Variants in FAM83E observed in about 807,000 individuals in gnomAD.
FAM83E encodes protein FAM83E.
A neutral mutation model predicts 34.3 loss-of-function variants in FAM83E; 29 were observed. The ratio of observed to expected loss-of-function variants is 0.85; its 90% CI spans 0.63 to 1.15. The LOEUF (loss-of-function observed/expected upper bound fraction) is 1.15. Ranked by LOEUF, FAM83E falls within the 50% of genes most tolerant of loss-of-function variation. FAM83E has a pLI of 0.00. For missense variants in FAM83E, 697 were observed against 685.0 expected (o/e 1.02, Z -0.20); for synonymous variants, 312 against 311.6 (o/e 1.00, Z -0.01).
intron 3 of FAM83E, 44 bp from the exon 4 acceptor site, chr19:48,610,891 GCTCAGGGGACA>G (rs1369092432): frequency 4.5e-6 from 7 of 1,554,446 alleles, no homozygotes; most frequent in Non-Finnish European, 6.1e-6. Flanking sequence ...ACGGAAGCTG[GCTCAGGGGACA>G]CTCAGAGGGT....
rs535065385 is a variant in FAM83E at position 48,600,397 on chromosome 19, G to T, written c.*712C>A. ...GTCACCCAGGCTGGAGTGCAGTGGC[G>T]TGATCTCAGCTCACTGCAACCTCCG... On this transcript the variant is annotated 3_prime_UTR_variant, in exon 7 of 7. Transcript: ENST00000263266. Among the ~76,000 whole-genome samples, 1 of 151,316 alleles carries T rather than the reference G, an allele frequency of 6.6e-6. No homozygotes were observed. Among genetic ancestry groups the T allele is most frequent in the Non-Finnish European group, 1.5e-5 (1 of 67,796 alleles).
intron 5 of FAM83E, among the ~76,000 whole-genome samples, chr19:48,604,629 G>T (rs1973892315): frequency 6.7e-6 from 1 of 148,654 alleles, no homozygotes; most frequent in South Asian, 2.3e-4. Flanking sequence ...ACCCGTGCCC[G>T]GCTGAGCCTG....
intron 5 of FAM83E, chr19:48,606,780 C>T: frequency 1.6e-6 from 1 of 629,300 alleles, no homozygotes; most frequent in Non-Finnish European, 2.7e-6. Flanking sequence ...CAGCCACCCG[C>T]TCACCTCCAT....
At position 48,603,835 on chromosome 19, in the gene FAM83E, G is replaced by A; in HGVS notation, c.835C>T (p.Leu279Phe). 6.2e-7 allele frequency: 1 copy of A among 1,609,114 alleles called. No homozygotes were observed. The highest frequency in any genetic ancestry group is 8.5e-7 in the Non-Finnish European group (1 of 1,177,822). ...GCCGCGTACAGCGTCCGGAACTCAA[G>A]GCTGAAGGCGTCAACAATTTCACCA... The part of the protein sequence containing the change: ...LTGEIVDAFS[L>F]EFRTLYAASC... The change falls in exon 6 of 7, where the codon CTT becomes TTT. Residue 279 changes from leucine to phenylalanine, a missense_variant. Physicochemically the swap from Leu to Phe is conservative, Grantham distance 22. Coordinates refer to ENST00000263266, the MANE Select transcript of FAM83E (RefSeq NM_017708.4).
At position 48,613,283 on chromosome 19, in the gene FAM83E, GC is replaced by G; in HGVS notation, c.89del (p.Gly30AlafsTer10). The G allele has an allele frequency of 1.2e-6, 2 of 1,609,134 alleles. No homozygotes were observed. The highest frequency in any genetic ancestry group is 1.7e-6 in the Non-Finnish European group (2 of 1,179,482). On this transcript the variant is annotated frameshift_variant, in exon 3 of 7. Transcript: ENST00000263266. LOFTEE classifies it high-confidence loss of function. ...GASPGFLYSE[G>X]QRLALEALLS... ...ACAGAGCCTCCAGTGCCAGCCGCTG[GC>G]CCTCGGAATATAGAAAGCCGGGGCT...
At chr19:48,612,596 G>T (rs1219320043) in intron 3 of FAM83E, among the ~76,000 whole-genome samples, 1 of 152,044 alleles carries the variant, frequency 6.6e-6, no homozygotes, top group Non-Finnish European at 1.5e-5. Context: ...TACAGACGGG[G>T]TTTCACTATG....
chr19:48,601,649 T>C (rs200433350), intron 6 of FAM83E, among the ~76,000 whole-genome samples: 9 of 151,644 alleles, frequency 5.9e-5, no homozygotes, highest in Middle Eastern at 3.4e-3. Context: ...CCTGTAATCC[T>C]AGCTACTCGG....
Position 48,600,778 on chromosome 19 carries a change from C to T in FAM83E, c.*331G>A, listed in dbSNP as rs182830555. On this transcript the variant is annotated 3_prime_UTR_variant, in exon 7 of 7. Transcript: ENST00000263266. ...GGGATCCTCCCACCTCAGCCTCCTG[C>T]GTAGCTGGGACCACAGGCGTGCGCC... 9.9e-4 allele frequency: 212 copies of T among 214,152 alleles called. No homozygotes were observed. Among genetic ancestry groups the T allele is most frequent in the Admixed American group, 4.6e-3 (83 of 17,916 alleles). The allele number at this position is 214,152 out of a possible 1,614,324, so 13.3% of individuals were successfully genotyped here. A position where few individuals can be genotyped will look rare whatever the true frequency, so the allele number is the denominator to read the frequency against.
intron 6 of FAM83E, 111 bp from the exon 7 acceptor site, chr19:48,601,480 G>A (rs1973814652): frequency 1.4e-6 from 2 of 1,480,082 alleles, no homozygotes; most frequent in East Asian, 5.0e-5. Flanking sequence ...GAAAGTGACA[G>A]ACGGCCAGGC....
intron 6 of FAM83E, 126 bp from the exon 7 acceptor site, chr19:48,601,495 T>A: frequency 6.9e-7 from 1 of 1,457,760 alleles, no homozygotes; most frequent in South Asian, 1.4e-5. Flanking sequence ...CCAGGCACGG[T>A]GGCTCACGCC....
At chr19:48,606,239 A>G (rs1490855869) in intron 5 of FAM83E, among the ~76,000 whole-genome samples, 1 of 152,124 alleles carries the variant, frequency 6.6e-6, no homozygotes, top group Admixed American at 6.5e-5. Flanking sequence ...TGAAGCTGGG[A>G]AGCAGAAGCT....
chr19:48,604,814 G>T (rs1189427966), intron 5 of FAM83E, among the ~76,000 whole-genome samples: 1 of 150,484 alleles, frequency 6.6e-6, no homozygotes, highest in Non-Finnish European at 1.5e-5. Context: ...GAGGTCAGGA[G>T]TTTGAGATCA....
At position 48,613,077 on chromosome 19, in the gene FAM83E, C is replaced by G. The variant is rs1254864715; in HGVS notation, c.296G>C (p.Ser99Thr). ...TTTDVDAGSLSYWPGQSEQPA... is the reference protein window; with the variant it reads ...TTTDVDAGSLTYWPGQSEQPA... ...CTGCTCCGACTGCCCAGGCCAGTAG[C>G]TCAGGCTGCCCGCGTCCACATCGGT... The change falls in exon 3 of 7, where the codon AGC (serine) becomes ACC (threonine). Residue 99 changes from serine (S) to threonine (T), a missense_variant. By Grantham distance (58) the Ser-to-Thr change is moderately conservative. Coordinates refer to ENST00000263266, the MANE Select transcript of FAM83E (RefSeq NM_017708.4). 6.2e-7 allele frequency: 1 copy of G among 1,608,202 alleles called. No individual in the cohort carries two copies. The highest frequency in any genetic ancestry group is 2.2e-5 in the East Asian group (1 of 44,664).
chr19:48,612,153 G>A (rs943044097), intron 3 of FAM83E, among the ~76,000 whole-genome samples: 4 of 152,206 alleles, frequency 2.6e-5, no homozygotes, highest in African/African-American at 7.2e-5. Flanking sequence ...CCGGGACGAT[G>A]ATGCACATTA....
rs537160936 is a variant in FAM83E, at chr19:48,607,209, C to T, written c.758+2667G>A. On this transcript the variant is annotated intron_variant, in intron 5 of 6. Coordinates refer to ENST00000263266, the MANE Select transcript of FAM83E (RefSeq NM_017708.4). ...CCAGCTGCGGCCTTGAGGAACCCGTCAGCTACAGGGGCGTCACCTACAGCC... is the reference window on the plus strand; with the variant it reads ...CCAGCTGCGGCCTTGAGGAACCCGTTAGCTACAGGGGCGTCACCTACAGCC... 156 of 1,613,342 alleles carry T rather than the reference C, an allele frequency of 9.7e-5. 1 individual carries two copies. In the South Asian group the frequency reaches 1.5e-3, roughly 15 times the overall value.
intron 5 of FAM83E, chr19:48,607,399 C>T (rs775766487): frequency 1.8e-5 from 27 of 1,524,692 alleles, no homozygotes; most frequent in Non-Finnish European, 2.4e-5. Context: ...AGATCCGCCA[C>T]TCCCCATGTC....
chr19:48,610,415 A>T (rs867969938), intron 4 of FAM83E, among the ~76,000 whole-genome samples: 2 of 151,388 alleles, frequency 1.3e-5, no homozygotes, highest in Middle Eastern at 6.8e-3. Context: ...AAAAAAAAAA[A>T]AAAAAAAAAG....
intron 5 of FAM83E, chr19:48,607,759 T>C (rs1449425621): frequency 5.9e-6 from 1 of 169,056 alleles, no homozygotes; most frequent in East Asian, 1.6e-4. Context: ...TTTTTTTTTT[T>C]CTTTTTGTAG....
intron 5 of FAM83E, among the ~76,000 whole-genome samples, chr19:48,604,527 T>C (rs1973890993): frequency 6.7e-6 from 1 of 149,598 alleles, no homozygotes; most frequent in African/African-American, 2.4e-5. Flanking sequence ...AGATGGGGTT[T>C]CACCACATTG....
Sources: allele counts gnomAD v4.1 joint callset (sites outside exome capture counted in the v4.1 genomes callset), GRCh38; gene constraint gnomAD v4.1.1; transcripts MANE v1.5; gene names NCBI Gene and HGNC (gene_info 2026-07-23, HGNC 2026-07-21).